HYCC2: variants seen among roughly 807,000 people sequenced by gnomAD.
The protein encoded by HYCC2 is hyccin 2.
At chr2:201,022,778 G>A in the HYCC2 span, 4 of 1,108,562 alleles carry the variant, frequency 3.6e-6, no homozygotes, top group Non-Finnish European at 5.3e-6. Context: ...ATGTGTTTTG[G>A]TATACATATT....
At chr2:201,025,465 A>G in the HYCC2 span, among the ~76,000 whole-genome samples, 1 of 151,878 alleles carries the variant, frequency 6.6e-6, no homozygotes, top group Non-Finnish European at 1.5e-5. Flanking sequence ...AAGAAAGAAA[A>G]GAAAAGAAAA....
chr2:200,980,676 G>A, the HYCC2 span: 1 of 153,704 alleles, frequency 6.5e-6, no homozygotes, highest in Non-Finnish European at 1.5e-5. Context: ...AAAGGAGATG[G>A]GGGGGTGGAG....
chr2:201,059,488 A>G, the HYCC2 span, among the ~76,000 whole-genome samples: 1 of 152,102 alleles, frequency 6.6e-6, no homozygotes, highest in Non-Finnish European at 1.5e-5. Context: ...CCAACCAAAG[A>G]GCAAATGTAA....
At chr2:201,010,844 G>T in the HYCC2 span, among the ~76,000 whole-genome samples, 1 of 151,784 alleles carries the variant, frequency 6.6e-6, no homozygotes, top group East Asian at 1.9e-4. Flanking sequence ...AAAGACTAAT[G>T]AGAGTAAAAA....
At chr2:201,003,732 C>T in the HYCC2 span, among the ~76,000 whole-genome samples, 12 of 146,278 alleles carry the variant, frequency 8.2e-5, no homozygotes, top group Non-Finnish European at 1.8e-4. Flanking sequence ...AAAGTGAAAA[C>T]ATATCAGCTT....
At chr2:200,994,414 A>C in the HYCC2 span, among the ~76,000 whole-genome samples, 1 of 152,008 alleles carries the variant, frequency 6.6e-6, no homozygotes, top group Non-Finnish European at 1.5e-5. Flanking sequence ...CTCCCGGCTA[A>C]TTAGTAGAGA....
the HYCC2 span, among the ~76,000 whole-genome samples, chr2:201,018,505 T>C: frequency 1.1e-4 from 16 of 152,286 alleles, no homozygotes; most frequent in African/African-American, 3.8e-4. Context: ...ACTGTCATGA[T>C]TATAAAAAGT....
chr2:201,070,268 T>C, the HYCC2 span, among the ~76,000 whole-genome samples: 1 of 152,224 alleles, frequency 6.6e-6, no homozygotes, highest in African/African-American at 2.4e-5. Context: ...ATTTTGCCTC[T>C]GTCCGAGAGG....
the HYCC2 span, among the ~76,000 whole-genome samples, chr2:201,052,943 AAAG>A: frequency 6.6e-6 from 1 of 152,176 alleles, no homozygotes; most frequent in Admixed American, 6.5e-5. Flanking sequence ...GAAGCCAGGA[AAAG>A]AAGCACCAGA....
the HYCC2 span, chr2:200,980,674 T>TG: frequency 9.1e-5 from 14 of 153,748 alleles, no homozygotes; most frequent in South Asian, 4.1e-4. Context: ...ATAAAGGAGA[T>TG]GGGGGGGTGG....
the HYCC2 span, among the ~76,000 whole-genome samples, chr2:201,037,745 G>C: frequency 6.6e-6 from 1 of 152,130 alleles, no homozygotes; most frequent in Non-Finnish European, 1.5e-5. Context: ...ATTAATTCAA[G>C]ATGGATTAAA....
chr2:200,981,359 C>T, the HYCC2 span: 31 of 1,614,042 alleles, frequency 1.9e-5, no homozygotes, highest in Non-Finnish European at 2.5e-5. This position sits in a 1 kb window ranked among gnomAD's most constrained non-coding sequence, Gnocchi z 4.5. Flanking sequence ...TCTTTACCTT[C>T]GCCAGCTTGA....
chr2:201,022,958 A>G, the HYCC2 span: 1 of 1,465,848 alleles, frequency 6.8e-7, no homozygotes, highest in Admixed American at 1.8e-5. Flanking sequence ...AAAGGAAAAC[A>G]AAAGTGAACA....
chr2:201,020,893 G>C, the HYCC2 span, among the ~76,000 whole-genome samples: 1 of 152,048 alleles, frequency 6.6e-6, no homozygotes, highest in Non-Finnish European at 1.5e-5. Context: ...TTAGCCTCCT[G>C]AGTAACTGGG....
At chr2:200,991,692 A>G in the HYCC2 span, among the ~76,000 whole-genome samples, 5 of 152,050 alleles carry the variant, frequency 3.3e-5, no homozygotes, top group Non-Finnish European at 7.4e-5. Context: ...CCAAGATCAC[A>G]CCACTGCACT....
the HYCC2 span, chr2:200,988,202 G>A: frequency 1.4e-6 from 2 of 1,470,176 alleles, no homozygotes; most frequent in South Asian, 1.4e-5. Flanking sequence ...AAGACAGTCT[G>A]TAAAAACAGT....
At chr2:200,983,721 C>T in the HYCC2 span, among the ~76,000 whole-genome samples, 1 of 151,898 alleles carries the variant, frequency 6.6e-6, no homozygotes, top group Admixed American at 6.5e-5. Context: ...TCCAAAATGC[C>T]CAAGAAAGGA....
the HYCC2 span, chr2:201,023,897 T>C: frequency 4.1e-6 from 5 of 1,225,914 alleles, no homozygotes; most frequent in Non-Finnish European, 3.6e-6. Context: ...AGAGCACATA[T>C]TCAGTTTGAA....
At chr2:201,015,575 T>C in the HYCC2 span, among the ~76,000 whole-genome samples, 1 of 152,174 alleles carries the variant, frequency 6.6e-6, no homozygotes, top group Non-Finnish European at 1.5e-5. Context: ...TTAAATTCAA[T>C]TTATAATTCA....
Sources: gnomAD v4.1 joint callset for allele counts (sites outside exome capture counted in the v4.1 genomes callset) on GRCh38, gnomAD v4.1.1 for gene constraint, Gnocchi (gnomAD v3.1) non-coding constraint, MANE v1.5 for transcripts, NCBI Gene and HGNC (gene_info 2026-07-23, HGNC 2026-07-21) for gene names.